The following TPRG1 variants were observed in gnomAD, a reference collection of about 807,000 sequenced individuals.
TPRG1 encodes tumor protein p63 regulated 1.
A neutral mutation model predicts 29.3 loss-of-function variants in TPRG1; 29 were observed. That is an observed-to-expected ratio of 0.99 (90% CI 0.74 to 1.35). The LOEUF (loss-of-function observed/expected upper bound fraction) is 1.35, where lower values mean the gene tolerates loss of function less well. Ranked by LOEUF, TPRG1 falls within the 40% of genes most tolerant of loss-of-function variation. TPRG1 has a pLI of 0.00. For missense variants in TPRG1, 327 were observed against 335.0 expected, an observed-to-expected ratio of 0.98 and a Z score of 0.19; for synonymous variants, 130 against 116.8, an observed-to-expected ratio of 1.11 and a Z score of -0.73.
chr3:189,094,582 G>A (rs538521828), intron 4 of TPRG1, among the ~76,000 whole-genome samples: 8 of 152,240 alleles, frequency 5.3e-5, no homozygotes, highest in Non-Finnish European at 1.0e-4. Context: ...CCTCCTCACA[G>A]ACTCCGGCTT....
intron 5 of TPRG1, among the ~76,000 whole-genome samples, chr3:189,165,570 AG>A (rs1463424532): frequency 6.6e-6 from 1 of 151,958 alleles, no homozygotes; most frequent in Non-Finnish European, 1.5e-5. Flanking sequence ...GCAGGTGTCC[AG>A]GGACCTGCGC....
chr3:189,262,942 G>C (rs950966011), intron 4 of TPRG1, among the ~76,000 whole-genome samples: 2 of 152,236 alleles, frequency 1.3e-5, no homozygotes, highest in African/African-American at 4.8e-5. Context: ...TGACAGCATG[G>C]CTGTGGACTT....
chr3:189,063,736 A>G (rs886487925), intron 4 of TPRG1, among the ~76,000 whole-genome samples: 2 of 152,184 alleles, frequency 1.3e-5, no homozygotes, highest in Non-Finnish European at 2.9e-5. Context: ...ATAATGTGTC[A>G]AAACATATGG....
intron 1 of TPRG1, among the ~76,000 whole-genome samples, chr3:189,181,616 A>G (rs1560521284): frequency 6.6e-6 from 1 of 152,128 alleles, no homozygotes; most frequent in African/African-American, 2.4e-5. Flanking sequence ...CCTGGACCTT[A>G]TTGTTCATAT....
chr3:189,265,628 C>T (rs561704692), intron 4 of TPRG1, among the ~76,000 whole-genome samples: 1 of 152,274 alleles, frequency 6.6e-6, no homozygotes, highest in East Asian at 1.9e-4. Flanking sequence ...TGACTAAGTT[C>T]TGGCAAGTTA....
intron 1 of TPRG1, among the ~76,000 whole-genome samples, chr3:189,176,422 C>T (rs1314628008): frequency 3.9e-5 from 6 of 152,080 alleles, no homozygotes; most frequent in Non-Finnish European, 8.8e-5. Flanking sequence ...TTTTCTACAA[C>T]CCCATAAGTA....
chr3:189,293,212 C>T (rs1040187848), intron 4 of TPRG1, among the ~76,000 whole-genome samples: 3 of 152,172 alleles, frequency 2.0e-5, no homozygotes, highest in Non-Finnish European at 2.9e-5. Context: ...TGTGGAGGCT[C>T]CTCTGGCAGT....
chr3:189,000,103 CTT>C (rs1222632704), intron 1 of TPRG1, among the ~76,000 whole-genome samples: 1 of 152,086 alleles, frequency 6.6e-6, no homozygotes, highest in Non-Finnish European at 1.5e-5. Flanking sequence ...TTTCAGTTGA[CTT>C]TAAAAATTAT....
rs1247909499 is a variant in TPRG1, at chr3:189,320,752, C to A, written c.760C>A (p.Leu254Met). The change falls in exon 6 of 6, where the codon CTG becomes ATG. Residue 254 changes from leucine (L) to methionine (M), a missense_variant. Leu to Met is a conservative substitution (Grantham distance 15). Transcript: ENST00000345063. ...EPILIETYTG[L>M]MSFIGNRNKL... ...CATTTTGATTGAGACCTACACAGGG[C>A]TGATGTCATTCATTGGAAACCGCAA... is the stretch of plus-strand genomic sequence containing the variant. 1 of 1,611,762 alleles carries A rather than the reference C, an allele frequency of 6.2e-7. No individual in the cohort carries two copies. Among genetic ancestry groups the A allele is most frequent in the South Asian group, 1.1e-5 (1 of 90,716 alleles).
At position 189,254,728 on chromosome 3, in the gene TPRG1, G is replaced by A. The variant is rs113280736; in HGVS notation, c.479+15819G>A. Among the ~76,000 whole-genome samples the A allele has an allele frequency of 3.3e-3, 507 of 152,228 alleles. 2 individuals are homozygous for A. Among genetic ancestry groups the A allele is most frequent in the African/African-American group, 0.012 (487 of 41,540 alleles). On this transcript the variant is annotated intron_variant, in intron 4 of 5. Coordinates refer to ENST00000345063, the MANE Select transcript of TPRG1 (RefSeq NM_198485.4). ...GTGGTTTGTAGTTCTGCTTGAAGAA[G>A]TCCTTCATATCCTTTGTAAGTTGTA...
At position 189,223,544 on chromosome 3, in the gene TPRG1, G is replaced by GT. The variant is rs563694826; in HGVS notation, c.302+8162dup. 8.3e-4 allele frequency among the ~76,000 whole-genome samples: 127 copies of GT among 152,326 alleles called. 1 individual carries two copies. Among genetic ancestry groups the GT allele is most frequent in the Non-Finnish European group, 1.2e-3 (85 of 68,040 alleles). On this transcript the variant is annotated intron_variant, in intron 3 of 5. Coordinates refer to ENST00000345063, the MANE Select transcript of TPRG1 (RefSeq NM_198485.4). ...TCTGAGTGACCTGCATTATAAGACA[G>GT]TGAGGGCACTTAGTTGCTACAGTCA...
intron 3 of TPRG1, among the ~76,000 whole-genome samples, chr3:189,138,287 A>G (rs1377844661): frequency 6.6e-6 from 1 of 152,192 alleles, no homozygotes; most frequent in Non-Finnish European, 1.5e-5. Context: ...TTCAGGGAGT[A>G]TTTGAGGAGA....
chr3:189,217,963 A>T, intron 3 of TPRG1: 4 of 985,398 alleles, frequency 4.1e-6, no homozygotes, highest in Non-Finnish European at 4.8e-6. Context: ...CCACAAAACA[A>T]AAAAACTAAA....
intron 4 of TPRG1, among the ~76,000 whole-genome samples, chr3:189,071,724 C>T (rs1469132369): frequency 1.3e-5 from 2 of 152,206 alleles, no homozygotes; most frequent in East Asian, 1.9e-4. Flanking sequence ...AGATGATGCA[C>T]TTACTGCCAA....
At chr3:189,260,079 T>A (rs999584799) in intron 4 of TPRG1, among the ~76,000 whole-genome samples, 8 of 152,126 alleles carry the variant, frequency 5.3e-5, no homozygotes, top group African/African-American at 1.7e-4. Flanking sequence ...AGGGAGTCAA[T>A]CCAGATTTCC....
intron 3 of TPRG1, among the ~76,000 whole-genome samples, chr3:189,221,818 T>C (rs1476414743): frequency 6.6e-6 from 1 of 152,226 alleles, no homozygotes; most frequent in Non-Finnish European, 1.5e-5. Flanking sequence ...AGGGAGGGAC[T>C]ATTGGCTTTA....
At chr3:189,078,116 TCTTTCTTTCTTTCTTTCTTTC>T (rs1256780280) in intron 4 of TPRG1, among the ~76,000 whole-genome samples, 12 of 145,808 alleles carry the variant, frequency 8.2e-5, no homozygotes, top group African/African-American at 2.9e-4. Flanking sequence ...TTTCTTTCTT[TCTTTCTTTCTTTCTTTCTTTC>T]CTTTCTTTTT....
intron 1 of TPRG1, among the ~76,000 whole-genome samples, chr3:189,175,197 G>A (rs565062229): frequency 9.9e-5 from 15 of 152,262 alleles, no homozygotes; most frequent in African/African-American, 1.4e-4. Context: ...GAGGTCTCAC[G>A]AAGAAGAGAT....
chr3:189,039,326 C>T (rs1714483599), intron 4 of TPRG1, among the ~76,000 whole-genome samples: 1 of 152,172 alleles, frequency 6.6e-6, no homozygotes, highest in Non-Finnish European at 1.5e-5. Context: ...TAGGCATTGT[C>T]AAGGCCCAGG....
Sources: gnomAD v4.1 joint callset for allele counts (sites outside exome capture counted in the v4.1 genomes callset) on GRCh38, gnomAD v4.1.1 for gene constraint, MANE v1.5 for transcripts, NCBI Gene and HGNC (gene_info 2026-07-23, HGNC 2026-07-21) for gene names.